The following WAC variants were observed in gnomAD, a reference collection of about 807,000 sequenced individuals.
WAC encodes WW domain containing adaptor with coiled-coil.
In WAC, 11 loss-of-function variants were observed where a neutral mutation model predicts 79.6. The observed-to-expected ratio is 0.14, with a 90% CI of 0.09 to 0.23. The LOEUF is 0.23. Among genes scored for constraint, WAC ranks in the 10% least tolerant of loss-of-function variants. The pLI is 1.00. For synonymous variants in WAC, 304 were observed against 276.9 expected (o/e 1.10, Z -0.97); for missense variants, 728 against 773.5 (o/e 0.94, Z 0.70).
At position 28,621,546 on chromosome 10, in the gene WAC, CAT is replaced by C. The variant is rs777276080; in HGVS notation, c.*1941_*1942del. ...GATACTTTTTAAATGTAAGAAAAGA[CAT>C]GTCATTAATTTATTGTCATGTTTAT... is the stretch of plus-strand genomic sequence containing the variant. On this transcript the variant is annotated 3_prime_UTR_variant, in exon 14 of 14. Transcript: ENST00000354911. 35 of 151,986 alleles carry C rather than the reference CAT, an allele frequency of 2.3e-4. No individual in the cohort carries two copies. The highest frequency in any genetic ancestry group is 3.5e-4 in the Non-Finnish European group (24 of 68,024). The allele number at this position is 151,986 out of a possible 1,614,324, so 9.4% of individuals were successfully genotyped here.
intron 3 of WAC, chr10:28,537,570 C>T (rs1357885667): frequency 6.6e-6 from 1 of 152,130 alleles, no homozygotes; most frequent in African/African-American, 2.4e-5. Context: ...CTTGCTCAGC[C>T]AATTCTTTTA....
chr10:28,596,962 G>GT (rs1840402562), intron 7 of WAC, among the ~76,000 whole-genome samples: 1 of 152,034 alleles, frequency 6.6e-6, no homozygotes, highest in South Asian at 2.1e-4. Context: ...AAAAGAACTT[G>GT]TAGCCCCCTT....
chr10:28,622,380 T>G lies in WAC; in HGVS notation c.*2774T>G, dbSNP rs1208336987. ...GGTTTAGATACTTTGAAAATAGAAG[T>G]ACTGAATAGCCTCTAGGGAACTTGA... is the stretch of plus-strand genomic sequence containing the variant. On this transcript the variant is annotated 3_prime_UTR_variant, in exon 14 of 14. Coordinates refer to ENST00000354911, the MANE Select transcript of WAC (RefSeq NM_016628.5). 2 of 117,992 alleles carry G rather than the reference T, an allele frequency of 1.7e-5. No individual in the cohort carries two copies. The highest frequency in any genetic ancestry group is 6.6e-5 in the African/African-American group (2 of 30,362). 7.3% of individuals were successfully genotyped at this position (117,992 alleles called of 1,614,324 possible).
chr10:28,595,667 A>T, intron 6 of WAC, 66 bp from the exon 7 acceptor site: 1 of 1,468,174 alleles, frequency 6.8e-7, no homozygotes, highest in Non-Finnish European at 9.3e-7. Flanking sequence ...GTAGGATTCT[A>T]ATGTAATCTT....
intron 3 of WAC, among the ~76,000 whole-genome samples, chr10:28,583,187 T>C (rs919710195): frequency 6.6e-6 from 1 of 152,124 alleles, no homozygotes; most frequent in African/African-American, 2.4e-5. Flanking sequence ...CATATCAGGA[T>C]GACAACTATG....
chr10:28,610,865 T>G (rs763183623), intron 9 of WAC, 44 bp downstream of exon 9: 2 of 1,522,486 alleles, frequency 1.3e-6, no homozygotes, highest in African/African-American at 2.8e-5. Context: ...GCATCTTGAT[T>G]TTGTTTTGGA....
At chr10:28,592,816 T>C (rs1840165387) in intron 6 of WAC, among the ~76,000 whole-genome samples, 1 of 152,236 alleles carries the variant, frequency 6.6e-6, no homozygotes, top group Admixed American at 6.5e-5. Flanking sequence ...ACAAATTACA[T>C]ATGTATGTAT....
Position 28,589,850 on chromosome 10 carries a change from A to G in WAC, c.496A>G (p.Arg166Gly), listed in dbSNP as rs1564404332. The stretch of plus-strand genomic sequence containing the variant: ...GGAAAAACCAAAAGAGTGGCTTGAA[A>G]GGTAATTAGCTTTTAATCTAATTAA... ...QWEKPKEWLE[R>G]EQRQKEANKM... The change falls in exon 5 of 14, where the codon AGA (arginine) becomes GGA (glycine). Residue 166 changes from arginine to glycine, a missense_variant and splice_region_variant. Physicochemically the swap from Arg to Gly is moderately radical, Grantham distance 125. Around this residue, in one of 3 missense-constraint regions of WAC, gnomAD observed 648 missense variants for 661.5 expected, o/e 0.98. Coordinates refer to ENST00000354911, the MANE Select transcript of WAC (RefSeq NM_016628.5). The G allele has an allele frequency of 6.3e-7, 1 of 1,594,106 alleles. No homozygotes were observed. Among genetic ancestry groups the G allele is most frequent in the Non-Finnish European group, 8.6e-7 (1 of 1,162,050 alleles).
At chr10:28,554,256 A>G (rs924396153) in intron 3 of WAC, among the ~76,000 whole-genome samples, 1 of 152,182 alleles carries the variant, frequency 6.6e-6, no homozygotes, top group Non-Finnish European at 1.5e-5. Flanking sequence ...CATCTGTGGA[A>G]TTTGGTATCA....
intron 3 of WAC, among the ~76,000 whole-genome samples, chr10:28,542,756 A>G (rs1837127868): frequency 6.6e-6 from 1 of 152,254 alleles, no homozygotes; most frequent in African/African-American, 2.4e-5. Context: ...GTGCAGCTTG[A>G]TGTAGCTAGT....
intron 3 of WAC, among the ~76,000 whole-genome samples, chr10:28,554,975 G>A (rs531536109): frequency 1.3e-5 from 2 of 152,176 alleles, no homozygotes; most frequent in Admixed American, 6.5e-5. Context: ...TAGCATATCC[G>A]TTATCACATA....
At chr10:28,562,651 G>T (rs944202723) in intron 3 of WAC, among the ~76,000 whole-genome samples, 1 of 152,150 alleles carries the variant, frequency 6.6e-6, no homozygotes, top group Non-Finnish European at 1.5e-5. Flanking sequence ...CATTAATAAA[G>T]CTGAAAACAT....
rs1057285609 is a variant in WAC, at chr10:28,621,870, T to G, written c.*2264T>G. ...GAGAAGATGCCTAATTTGGTATTTC[T>G]TAATAGTGAATTTTTTTTTTTCTTG... is the stretch of plus-strand genomic sequence containing the variant. On this transcript the variant is annotated 3_prime_UTR_variant, in exon 14 of 14. Coordinates refer to ENST00000354911, the MANE Select transcript of WAC (RefSeq NM_016628.5). 1 of 152,224 alleles carries G rather than the reference T, an allele frequency of 6.6e-6. No homozygotes were observed. Among genetic ancestry groups the G allele is most frequent in the African/African-American group, 2.4e-5 (1 of 41,460 alleles). 9.4% of individuals were successfully genotyped at this position (152,224 alleles called of 1,614,324 possible). A position where few individuals can be genotyped will look rare whatever the true frequency, so the allele number is the denominator to read the frequency against.
chr10:28,548,869 C>G (rs993067190), intron 3 of WAC, among the ~76,000 whole-genome samples: 1 of 152,038 alleles, frequency 6.6e-6, no homozygotes, highest in Non-Finnish European at 1.5e-5. Flanking sequence ...AGCTAAGAAA[C>G]TCAATTTTTG....
chr10:28,547,952 C>T (rs1215710453), intron 3 of WAC, among the ~76,000 whole-genome samples: 1 of 136,144 alleles, frequency 7.3e-6, no homozygotes, highest in Admixed American at 8.1e-5. Context: ...GAGAGTTTCG[C>T]TCTTGTTGCT....
At chr10:28,576,273 T>A (rs896344761) in intron 3 of WAC, among the ~76,000 whole-genome samples, 2 of 152,210 alleles carry the variant, frequency 1.3e-5, no homozygotes, top group Non-Finnish European at 2.9e-5. Context: ...AGCACTGTGC[T>A]AAAAATATGT....
At chr10:28,565,348 T>C (rs1448206845) in intron 3 of WAC, among the ~76,000 whole-genome samples, 1 of 152,132 alleles carries the variant, frequency 6.6e-6, no homozygotes, top group African/African-American at 2.4e-5. Context: ...GCAAAATTCA[T>C]ATGGTAGGTT....
At chr10:28,571,515 CATA>C (rs1428798075) in intron 3 of WAC, among the ~76,000 whole-genome samples, 2 of 152,166 alleles carry the variant, frequency 1.3e-5, no homozygotes, top group Admixed American at 1.3e-4. Flanking sequence ...TGCTGTTGTT[CATA>C]ATGTGTCCCT....
chr10:28,541,561 A>G (rs1016283237), intron 3 of WAC, among the ~76,000 whole-genome samples: 2 of 151,562 alleles, frequency 1.3e-5, no homozygotes, highest in Admixed American at 6.6e-5. Flanking sequence ...GGGCTTGCAA[A>G]TATATTCTAT....
Sources: gnomAD v4.1 joint callset for allele counts (sites outside exome capture counted in the v4.1 genomes callset) on GRCh38, gnomAD v4.1.1 for gene constraint, gnomAD v4.1.1 regional missense constraint, MANE v1.5 for transcripts, NCBI Gene and HGNC (gene_info 2026-07-23, HGNC 2026-07-21) for gene names.